PHF6: variants seen among roughly 807,000 people sequenced by gnomAD.
PHF6 encodes the protein PHD finger protein 6.
A neutral mutation model predicts 34.0 loss-of-function variants in PHF6; 7 were observed. The ratio of observed to expected loss-of-function variants is 0.21; its 90% CI spans 0.12 to 0.39. The LOEUF is 0.39. PHF6 is among the 10% of genes least tolerant of loss of function. PHF6 has a pLI of 1.00. For missense variants in PHF6, 128 were observed against 262.8 expected (o/e 0.49, Z 3.55); for synonymous variants, 89 against 88.4 (o/e 1.01, Z -0.04).
chrX:134,417,550 A>G (rs1311226693), intron 9 of PHF6: 1 of 317,852 alleles, frequency 3.1e-6, no homozygotes, highest in Non-Finnish European at 5.6e-6. Context: ...AGCTGGGCAT[A>G]TGCCAGTGAT....
At position 134,390,343 on chromosome X, in the gene PHF6, G is replaced by A. The variant is rs745472076; in HGVS notation, c.241-3158G>A. The stretch of plus-strand genomic sequence containing the variant: ...AACCTTGTAAAGAAGTTTCCACTCC[G>A]AAAATATTTTTTATTGGTATGTCTT... On this transcript the variant is annotated intron_variant, in intron 3 of 10. Transcript: ENST00000370803. 6.3e-5 allele frequency among the ~76,000 whole-genome samples: 7 copies of A among 111,784 alleles called. No homozygotes were observed. The East Asian group carries it at 1.7e-3, about 27-fold the overall frequency.
At chrX:134,406,512 TAAGAG>T (rs989327208) in intron 5 of PHF6, among the ~76,000 whole-genome samples, 3 of 111,677 alleles carry the variant, frequency 2.7e-5, no homozygotes, top group Non-Finnish European at 5.6e-5. Flanking sequence ...CATTGGTTAC[TAAGAG>T]AAGAGAATCA....
chrX:134,410,079 T>C (rs1189608898), intron 5 of PHF6, among the ~76,000 whole-genome samples: 2 of 112,129 alleles, frequency 1.8e-5, no homozygotes, highest in South Asian at 3.7e-4. Context: ...TTTGCTATAA[T>C]GAATAGTGCT....
intron 5 of PHF6, among the ~76,000 whole-genome samples, chrX:134,405,721 C>T (rs2077420100): frequency 9.1e-6 from 1 of 110,139 alleles, no homozygotes; most frequent in Non-Finnish European, 1.9e-5. Flanking sequence ...TTTTAGCACA[C>T]TTTAGTAATA....
chrX:134,390,675 G>A (rs960938939), intron 3 of PHF6, among the ~76,000 whole-genome samples: 3 of 111,205 alleles, frequency 2.7e-5, no homozygotes, highest in African/African-American at 9.8e-5. Context: ...AAGTACTTTT[G>A]CCCATTGTAG....
At chrX:134,418,241 A>G in intron 9 of PHF6, 1 of 111,418 alleles carries the variant, frequency 9.0e-6, no homozygotes, top group South Asian at 3.8e-4. Context: ...AATTATTGGT[A>G]GCTTAGAATA....
At chrX:134,384,476 A>G (rs1263639188) in intron 3 of PHF6, among the ~76,000 whole-genome samples, 1 of 110,729 alleles carries the variant, frequency 9.0e-6, no homozygotes, top group Non-Finnish European at 1.9e-5. Flanking sequence ...TCCTGCAGGC[A>G]TCTTAAACTC....
At chrX:134,400,655 C>G (rs144036025) in intron 5 of PHF6, among the ~76,000 whole-genome samples, 5 of 110,331 alleles carry the variant, frequency 4.5e-5, no homozygotes, top group Non-Finnish European at 9.5e-5. Flanking sequence ...GAAAGAGAAC[C>G]GTTTGAAAGA....
chrX:134,418,569 A>G (rs2077480171), intron 9 of PHF6: 1 of 111,861 alleles, frequency 8.9e-6, no homozygotes, highest in African/African-American at 3.2e-5. Context: ...GTACACAAGC[A>G]GTCACCAAGT....
intron 9 of PHF6, chrX:134,417,733 C>T (rs1339098791): frequency 8.6e-6 from 1 of 116,513 alleles, no homozygotes. Flanking sequence ...GTGGCAGGCA[C>T]CTGTAATCCC....
rs768638503 is a variant in PHF6 at position 134,410,955 on chromosome X, C to CT, written c.419-2521dup. Among the ~76,000 whole-genome samples, 791 of 90,557 alleles carry CT rather than the reference C, an allele frequency of 8.7e-3. 8 individuals are homozygous for CT. The East Asian group carries it at 0.098, about 11-fold the overall frequency. The allele number at this position is 90,557 out of a possible 115,157, so 78.6% of individuals were successfully genotyped here. On this transcript the variant is annotated intron_variant, in intron 5 of 10. Coordinates refer to ENST00000370803, the MANE Select transcript of PHF6 (RefSeq NM_001015877.2). Reference sequence around the variant, plus strand: ...TTATTGTTTGCCTTTTAACTTACCACTTTTTTTTTTTTTTTGAGATGGAGT... The same window carrying CT: ...TTATTGTTTGCCTTTTAACTTACCACTTTTTTTTTTTTTTTTGAGATGGAGT...
rs2077489095 is a variant in PHF6, at chrX:134,420,790, C to T, written c.968+3488C>T. Among the ~76,000 whole-genome samples the T allele has an allele frequency of 5.4e-5, 6 of 110,921 alleles. No homozygotes were observed. In the South Asian group the frequency reaches 2.3e-3, roughly 43 times the overall value. On this transcript the variant is annotated intron_variant, in intron 9 of 10. Transcript: ENST00000370803. Reference sequence around the variant, plus strand: ...GCTATTTTTTGTAGAGACAAGATTTCACCTTGTTGTCCAGGCTGGTCTCAA... The same window carrying T: ...GCTATTTTTTGTAGAGACAAGATTTTACCTTGTTGTCCAGGCTGGTCTCAA...
At chrX:134,403,615 T>C (rs6634977) in intron 5 of PHF6, among the ~76,000 whole-genome samples, 33,920 of 111,018 alleles carry the variant, frequency 0.31, 4,374 homozygotes, top group East Asian at 0.65. Context: ...TTTTTAATAT[T>C]AATGAAACAG....
intron 9 of PHF6, chrX:134,419,743 T>G (rs2077484405): frequency 9.0e-6 from 1 of 111,526 alleles, no homozygotes; most frequent in Non-Finnish European, 1.9e-5. Context: ...ACCATGCACT[T>G]TTCTGACTCC....
intron 3 of PHF6, among the ~76,000 whole-genome samples, chrX:134,388,429 A>G (rs1242725288): frequency 9.0e-6 from 1 of 111,262 alleles, no homozygotes; most frequent in Non-Finnish European, 1.9e-5. Context: ...CTTTGCCTAC[A>G]GGCTCAAGAA....
chrX:134,377,896 C>T lies in PHF6; in HGVS notation c.139-109C>T, dbSNP rs2077285563. The T allele has an allele frequency of 6.5e-6, 6 of 918,293 alleles. No individual in the cohort carries two copies. In the Admixed American group the frequency reaches 8.3e-5, roughly 13 times the overall value. The allele number at this position is 918,293 out of a possible 1,213,427, so 75.7% of individuals were successfully genotyped here. A position where few individuals can be genotyped will look rare whatever the true frequency, so the allele number is the denominator to read the frequency against. On this transcript the variant is annotated intron_variant, in intron 2 of 10. Transcript: ENST00000370803. ...TTTAAGAAATGGTTTATCACTAATGCTATGCCATTTTTACTAGAAAATTAC... is the reference window on the plus strand; with the variant it reads ...TTTAAGAAATGGTTTATCACTAATGTTATGCCATTTTTACTAGAAAATTAC...
intron 5 of PHF6, among the ~76,000 whole-genome samples, chrX:134,407,036 T>C (rs920326520): frequency 1.8e-5 from 2 of 112,111 alleles, no homozygotes; most frequent in African/African-American, 6.5e-5. Flanking sequence ...CAATGAATAT[T>C]ACTATTTTAA....
At chrX:134,402,691 A>G (rs1363343484) in intron 5 of PHF6, among the ~76,000 whole-genome samples, 2 of 112,516 alleles carry the variant, frequency 1.8e-5, no homozygotes, top group Non-Finnish European at 3.7e-5. Flanking sequence ...TGTGCTTCAC[A>G]GATAACTGCA....
At chrX:134,418,383 G>A (rs899859569) in intron 9 of PHF6, 1 of 111,997 alleles carries the variant, frequency 8.9e-6, no homozygotes, top group Middle Eastern at 4.6e-3. Flanking sequence ...GTGCTAGGTG[G>A]TGTTAATGTA....
Sources: gnomAD v4.1 joint callset for allele counts (sites outside exome capture counted in the v4.1 genomes callset) on GRCh38, gnomAD v4.1.1 for gene constraint, MANE v1.5 for transcripts, NCBI Gene and HGNC (gene_info 2026-07-23, HGNC 2026-07-21) for gene names.